The following PRDM2 variants were observed in gnomAD, a reference collection of about 807,000 sequenced individuals.
The protein encoded by PRDM2 is PR domain zinc finger protein 2.
Under a neutral mutation model 130.0 loss-of-function variants are expected in PRDM2, and 30 were observed. The observed-to-expected ratio is 0.23, with a 90% CI of 0.17 to 0.31. PRDM2 has a LOEUF of 0.31. Among genes scored for constraint, PRDM2 ranks in the 10% least tolerant of loss-of-function variants. The pLI, the probability that PRDM2 is intolerant of heterozygous loss-of-function variation, is 1.00. For missense variants in PRDM2, 2,011 were observed against 2,108.4 expected (o/e 0.95, Z 0.90); for synonymous variants, 871 against 782.4 (o/e 1.11, Z -1.89).
chr1:13,749,273 G>C, intron 5 of PRDM2, 88 bp from the exon 6 acceptor site: 15 of 1,226,498 alleles, frequency 1.2e-5, no homozygotes, highest in Non-Finnish European at 1.6e-5. Flanking sequence ...CATCGGCGCC[G>C]CTCCCGCCCG....
At chr1:13,713,615 A>G (rs144135523) in intron 1 of PRDM2, among the ~76,000 whole-genome samples, 1 of 152,282 alleles carries the variant, frequency 6.6e-6, no homozygotes, top group African/African-American at 2.4e-5. Context: ...TTATTACAAC[A>G]TTTGCATTTT....
chr1:13,719,589 C>T (rs143214813), intron 2 of PRDM2, among the ~76,000 whole-genome samples: 144 of 152,282 alleles, frequency 9.5e-4, no homozygotes, highest in African/African-American at 2.7e-3. Context: ...TTCAGTTGGA[C>T]GACTTAATGG....
rs747761631 is a variant in PRDM2 at position 13,778,431 on chromosome 1, C to T, written c.636C>T (p.Asp212=). 29 of 1,601,646 alleles carry T rather than the reference C, an allele frequency of 1.8e-5. No homozygotes were observed. Among genetic ancestry groups the T allele is most frequent in the East Asian group, 1.6e-4 (7 of 44,814 alleles). ...TGTGCTTTCTAGGTCCTAAAGAAGA[C>T]GAAGAGAAGCCTTCAGCCTCAGCAC... ...MRDSAEGPKE[D]EEKPSASALE... is the part of the protein sequence containing the mutation. Residue 212 remains aspartate (D), a synonymous_variant, in exon 8 of 10, where the codon GAC becomes GAT. Transcript: ENST00000311066.
In PRDM2 at chr1:13,782,069, A is replaced by G. The variant is rs371840877; in HGVS notation, c.4274A>G (p.Lys1425Arg). ...NKLKLNALKK[K>R]NQLVQKAILQ... The stretch of plus-strand genomic sequence containing the variant: ...CTCAAATTAAATGCATTGAAGAAAA[A>G]AAATCAGCTAGTACAGAAAGCAATT... Residue 1425 changes from lysine to arginine, a missense_variant, in exon 8 of 10, where the codon AAA (lysine) becomes AGA (arginine). Physicochemically the swap from Lys to Arg is conservative, Grantham distance 26. This residue lies in a region of PRDM2 where 410 missense variants were observed against 395.9 expected (regional missense o/e 1.04). Transcript: ENST00000311066. The G allele has an allele frequency of 6.2e-7, 1 of 1,614,136 alleles. No individual in the cohort carries two copies.
chr1:13,717,790 G>A (rs544952738), intron 2 of PRDM2, among the ~76,000 whole-genome samples: 1 of 152,150 alleles, frequency 6.6e-6, no homozygotes, highest in East Asian at 1.9e-4. Context: ...CAGTGGAAAA[G>A]TGTCCTCTTA....
At position 13,780,899 on chromosome 1, in the gene PRDM2, C is replaced by T. The variant is rs975609720; in HGVS notation, c.3104C>T (p.Pro1035Leu). 3 of 1,613,310 alleles carry T rather than the reference C, an allele frequency of 1.9e-6. No homozygotes were observed. The highest frequency in any genetic ancestry group is 2.2e-5 in the South Asian group (2 of 91,044). ...GTGTCCCCCTCTCCCTCTCCCATTC[C>T]TCCCGTGGAGCCCCTGATGTCTGCC... The part of the protein sequence containing the change: ...PTVSPSPSPI[P>L]PVEPLMSAAS... Residue 1035 changes from proline to leucine, a missense_variant, in exon 8 of 10, where the codon CCT (proline) becomes CTT (leucine). Physicochemically the swap from Pro to Leu is moderately conservative, Grantham distance 98 (BLOSUM62 -3). Transcript: ENST00000311066.
In PRDM2 at chr1:13,783,243, T is replaced by C. The variant is rs75259503; in HGVS notation, c.5036+412T>C. 2.4e-3 allele frequency: 1,151 copies of C among 481,298 alleles called. 2 individuals are homozygous for C. Among genetic ancestry groups the C allele is most frequent in the Non-Finnish European group, 4.0e-3 (969 of 243,126 alleles). 29.8% of individuals were successfully genotyped at this position (481,298 alleles called of 1,614,324 possible). On this transcript the variant is annotated intron_variant, in intron 8 of 9. Coordinates refer to ENST00000311066, the MANE Select transcript of PRDM2 (RefSeq NM_001393986.1). Reference sequence around the variant, plus strand: ...TCACTAAGTTCATTAGTAAACCATGTTACAATCTTGTTTAATATTTCTGTG... The same window carrying C: ...TCACTAAGTTCATTAGTAAACCATGCTACAATCTTGTTTAATATTTCTGTG...
chr1:13,765,380 G>C (rs749501711), intron 6 of PRDM2, among the ~76,000 whole-genome samples: 1 of 152,052 alleles, frequency 6.6e-6, no homozygotes, highest in South Asian at 2.1e-4. Flanking sequence ...ACTGTAGAAC[G>C]TTAAACTACT....
At chr1:13,775,574 A>G (rs1281107945) in intron 7 of PRDM2, among the ~76,000 whole-genome samples, 2 of 152,232 alleles carry the variant, frequency 1.3e-5, no homozygotes, top group African/African-American at 2.4e-5. Flanking sequence ...CATTGCTAGT[A>G]AATGGAGTAG....
intron 2 of PRDM2, among the ~76,000 whole-genome samples, chr1:13,729,745 T>C (rs1643041496): frequency 6.6e-6 from 1 of 152,070 alleles, no homozygotes; most frequent in East Asian, 1.9e-4. Flanking sequence ...ACAAAGCATT[T>C]GTGTGTCTGA....
At position 13,713,390 on chromosome 1, in the gene PRDM2, C is replaced by T. The variant is rs943178011; in HGVS notation, c.-65-2151C>T. 7.2e-5 allele frequency among the ~76,000 whole-genome samples: 11 copies of T among 152,166 alleles called. No homozygotes were observed. In the South Asian group the frequency reaches 8.3e-4, roughly 11 times the overall value. Reference sequence around the variant, plus strand: ...GAAACCAAAATTATGAGACCTTGACCGAATTATCTTAAGCTCTTGTTAATT... The same window carrying T: ...GAAACCAAAATTATGAGACCTTGACTGAATTATCTTAAGCTCTTGTTAATT... On this transcript the variant is annotated intron_variant, in intron 1 of 9. Coordinates refer to ENST00000311066, the MANE Select transcript of PRDM2 (RefSeq NM_001393986.1).
intron 8 of PRDM2, chr1:13,787,377 A>C: frequency 1.0e-6 from 1 of 984,848 alleles, no homozygotes; most frequent in Non-Finnish European, 1.2e-6. Context: ...CCTCTTCCTA[A>C]GTATATTAAT....
At chr1:13,808,827 C>A (rs1425455550) in intron 8 of PRDM2, among the ~76,000 whole-genome samples, 1 of 152,188 alleles carries the variant, frequency 6.6e-6, no homozygotes, top group Non-Finnish European at 1.5e-5. Flanking sequence ...ATCAGACAGT[C>A]GCAGATGCAT....
At chr1:13,717,170 A>T (rs1642569629) in intron 2 of PRDM2, among the ~76,000 whole-genome samples, 1 of 152,198 alleles carries the variant, frequency 6.6e-6, no homozygotes, top group Admixed American at 6.6e-5. Context: ...TTATTTTAAA[A>T]CTTGCAGATT....
At chr1:13,712,807 G>A (rs1026528169) in intron 1 of PRDM2, among the ~76,000 whole-genome samples, 3 of 152,114 alleles carry the variant, frequency 2.0e-5, no homozygotes, top group African/African-American at 4.8e-5. Flanking sequence ...CCATCCGTCC[G>A]TCTGTCCGTC....
intron 1 of PRDM2, among the ~76,000 whole-genome samples, chr1:13,702,554 C>T (rs899508701): frequency 6.6e-5 from 10 of 152,170 alleles, no homozygotes; most frequent in Non-Finnish European, 2.9e-5. Flanking sequence ...TTCCTTTCTT[C>T]CGTTCTTGGC....
At chr1:13,717,060 T>C (rs1193753934) in intron 2 of PRDM2, among the ~76,000 whole-genome samples, 7 of 152,238 alleles carry the variant, frequency 4.6e-5, no homozygotes, top group Non-Finnish European at 1.5e-5. Flanking sequence ...TTGGATTCTT[T>C]TGATTTCATT....
At chr1:13,816,976 A>G (rs1645267881) in intron 9 of PRDM2, among the ~76,000 whole-genome samples, 1 of 152,272 alleles carries the variant, frequency 6.6e-6, no homozygotes, top group African/African-American at 2.4e-5. Context: ...TGATAAAAAT[A>G]GTAATTATAC....
chr1:13,792,045 TACTC>T (rs1274095937), intron 8 of PRDM2, among the ~76,000 whole-genome samples: 12 of 152,210 alleles, frequency 7.9e-5, no homozygotes, highest in African/African-American at 2.9e-4. Context: ...CCACCTGAGT[TACTC>T]AGTGAGGGGA....
Sources: allele counts gnomAD v4.1 joint callset (sites outside exome capture counted in the v4.1 genomes callset), GRCh38; gene constraint gnomAD v4.1.1; regional missense constraint gnomAD v4.1.1; transcripts MANE v1.5; gene names NCBI Gene and HGNC (gene_info 2026-07-23, HGNC 2026-07-21).